The following ATE1 variants were observed in gnomAD, a reference collection of about 807,000 sequenced individuals.
ATE1 encodes the protein arginyl-tRNA--protein transferase 1.
In ATE1, 36 loss-of-function variants were observed where a neutral mutation model predicts 70.5. That is an observed-to-expected ratio of 0.51 (90% confidence interval 0.39 to 0.67). The LOEUF (loss-of-function observed/expected upper bound fraction) is 0.67. ATE1 is among the 30% of genes least tolerant of loss of function. The pLI is 0.00. For synonymous variants in ATE1, 232 were observed against 219.3 expected (o/e 1.06, Z -0.51); for missense variants, 593 against 629.5 (o/e 0.94, Z 0.62).
chr10:121,871,225 C>T (rs922308130), intron 7 of ATE1, among the ~76,000 whole-genome samples: 3 of 152,064 alleles, frequency 2.0e-5, no homozygotes, highest in African/African-American at 7.2e-5. Context: ...GAGGCCGAGG[C>T]GGGTGGATCA....
At chr10:121,760,781 A>G (rs772135154) in intron 11 of ATE1, among the ~76,000 whole-genome samples, 10 of 152,240 alleles carry the variant, frequency 6.6e-5, no homozygotes, top group Admixed American at 1.3e-4. Context: ...ACTGCTATCA[A>G]ACAGCACTGC....
At chr10:121,918,942 A>G (rs909531100) in intron 3 of ATE1, among the ~76,000 whole-genome samples, 2 of 152,092 alleles carry the variant, frequency 1.3e-5, no homozygotes, top group African/African-American at 4.8e-5. Flanking sequence ...AAAACGCACC[A>G]ATCAGTGCTC....
rs1471830348 is a variant in ATE1 at position 121,790,104 on chromosome 10, C to CCA, written c.1378+63_1378+64dup. The CCA allele has an allele frequency of 1.9e-6, 3 of 1,601,014 alleles. No homozygotes were observed. The Admixed American group carries it at 5.1e-5, about 27-fold the overall frequency. On this transcript the variant is annotated intron_variant, in intron 11 of 11. Transcript: ENST00000224652. Reference sequence around the variant, plus strand: ...ACCTGGACCCTGTTAAGAGCCACAGCCACACACACATGGATCATAAAAACA... The same window carrying CCA: ...ACCTGGACCCTGTTAAGAGCCACAGCCACACACACACATGGATCATAAAAACA...
At chr10:121,755,394 A>T (rs1944756547) in intron 11 of ATE1, among the ~76,000 whole-genome samples, 1 of 152,236 alleles carries the variant, frequency 6.6e-6, no homozygotes, top group Non-Finnish European at 1.5e-5. Context: ...ACAGAGTAAA[A>T]CAGAAAAAGT....
intron 7 of ATE1, among the ~76,000 whole-genome samples, chr10:121,889,034 A>G (rs1170142585): frequency 6.6e-6 from 1 of 152,082 alleles, no homozygotes; most frequent in African/African-American, 2.4e-5. Context: ...TATTTTTTTG[A>G]GACAGAGTCT....
intron 11 of ATE1, among the ~76,000 whole-genome samples, chr10:121,764,097 A>G (rs182999587): frequency 2.8e-4 from 42 of 152,250 alleles, no homozygotes; most frequent in African/African-American, 9.1e-4. Flanking sequence ...ATCAACTGTA[A>G]TAAATGTAGC....
chr10:121,765,314 A>G (rs1014992481), intron 11 of ATE1, among the ~76,000 whole-genome samples: 30 of 60,944 alleles, frequency 4.9e-4, no homozygotes, highest in African/African-American at 1.4e-3. Context: ...GAAGAAAAAA[A>G]GCTCTGCCAG....
At chr10:121,920,531 A>G (rs1198770416) in intron 3 of ATE1, among the ~76,000 whole-genome samples, 1 of 152,032 alleles carries the variant, frequency 6.6e-6, no homozygotes, top group Non-Finnish European at 1.5e-5. Flanking sequence ...CAAAAAAAAA[A>G]AGAAAAAAGA....
chr10:121,927,719 C>T, intron 1 of ATE1, 125 bp downstream of exon 1: 1 of 1,352,268 alleles, frequency 7.4e-7, no homozygotes, highest in Non-Finnish European at 9.5e-7. Flanking sequence ...CCGAGAGTGC[C>T]CCCTCCGTCT....
At chr10:121,762,276 G>A (rs1344709302) in intron 11 of ATE1, among the ~76,000 whole-genome samples, 2 of 152,044 alleles carry the variant, frequency 1.3e-5, no homozygotes, top group African/African-American at 4.8e-5. Flanking sequence ...GCTACGTAGT[G>A]TCCTTTTCTA....
chr10:121,831,959 T>C (rs371268135), intron 10 of ATE1, among the ~76,000 whole-genome samples: 50 of 152,338 alleles, frequency 3.3e-4, no homozygotes, highest in Middle Eastern at 6.8e-3. Flanking sequence ...TAAATTATTC[T>C]GAATTGCCCA....
intron 5 of ATE1, among the ~76,000 whole-genome samples, chr10:121,904,300 C>G (rs1021992553): frequency 2.0e-5 from 3 of 151,008 alleles, no homozygotes; most frequent in Admixed American, 2.0e-4. Flanking sequence ...CAACAATGAA[C>G]ATTATGCTAG....
At chr10:121,864,733 C>A (rs1028418579) in intron 8 of ATE1, among the ~76,000 whole-genome samples, 7 of 151,906 alleles carry the variant, frequency 4.6e-5, no homozygotes, top group African/African-American at 1.7e-4. Context: ...ATTAACGATA[C>A]CTCTTTGTAT....
rs565382974 is a variant in ATE1, at chr10:121,792,214, A to C, written c.1258-1925T>G. Among the ~76,000 whole-genome samples the C allele has an allele frequency of 6.6e-5, 10 of 152,336 alleles. 1 individual carries two copies. The South Asian group carries it at 2.1e-3, about 32-fold the overall frequency. On this transcript the variant is annotated intron_variant, in intron 10 of 11. Transcript: ENST00000224652. ...AAGGGAACGGCATAAACAAAGACACAGAGTTGGGCCAAGTAGAAAACTCCA... is the reference window on the plus strand; with the variant it reads ...AAGGGAACGGCATAAACAAAGACACCGAGTTGGGCCAAGTAGAAAACTCCA...
At chr10:121,834,296 G>C (rs1948355181) in intron 10 of ATE1, among the ~76,000 whole-genome samples, 1 of 152,148 alleles carries the variant, frequency 6.6e-6, no homozygotes, top group South Asian at 2.1e-4. Context: ...TAGAATGGAA[G>C]TTCCAAGAAA....
At position 121,847,756 on chromosome 10, in the gene ATE1, C is replaced by CAA. The variant is rs34868723; in HGVS notation, c.976-6495_976-6494dup. Among the ~76,000 whole-genome samples, 163 of 60,750 alleles carry CAA rather than the reference C, an allele frequency of 2.7e-3. 1 individual carries two copies. Among genetic ancestry groups the CAA allele is most frequent in the South Asian group, 5.6e-3 (8 of 1,426 alleles). The allele number at this position is 60,750 out of a possible 152,430, so 39.9% of individuals were successfully genotyped here. Reference sequence around the variant, plus strand: ...CTGGGGACAGAGCGAGACTCTGTCTCAAAAAAAAAAAAAAAAAAAAAAAAT... The same window carrying CAA: ...CTGGGGACAGAGCGAGACTCTGTCTCAAAAAAAAAAAAAAAAAAAAAAAAAAT... On this transcript the variant is annotated intron_variant, in intron 8 of 11. Transcript: ENST00000224652.
At chr10:121,912,983 G>A (rs1004188649) in intron 4 of ATE1, among the ~76,000 whole-genome samples, 12 of 151,966 alleles carry the variant, frequency 7.9e-5, no homozygotes, top group Admixed American at 3.9e-4. Flanking sequence ...AGGTTCAAGC[G>A]ATTCTCCTGC....
intron 11 of ATE1, among the ~76,000 whole-genome samples, chr10:121,787,324 G>A (rs902074717): frequency 6.6e-5 from 10 of 152,228 alleles, no homozygotes; most frequent in Admixed American, 2.0e-4. Context: ...TTTGGGTCAT[G>A]TAAAAGTAAA....
Position 121,742,606 on chromosome 10 carries a change from T to C in ATE1, c.*1074A>G, listed in dbSNP as rs1944184473. ...CCACCTTGACAGGTGGGCAAAGGAC[T>C]CAGCAAAAGAAAGTGAGGGAAGGAG... is the stretch of plus-strand genomic sequence containing the variant. On this transcript the variant is annotated 3_prime_UTR_variant, in exon 12 of 12. Transcript: ENST00000224652. The C allele has an allele frequency of 6.6e-6, 1 of 152,306 alleles. No individual in the cohort carries two copies. Among genetic ancestry groups the C allele is most frequent in the African/African-American group, 2.4e-5 (1 of 41,450 alleles). 9.4% of individuals were successfully genotyped at this position (152,306 alleles called of 1,614,324 possible).
Sources: allele counts gnomAD v4.1 joint callset (sites outside exome capture counted in the v4.1 genomes callset), GRCh38; gene constraint gnomAD v4.1.1; transcripts MANE v1.5; gene names NCBI Gene and HGNC (gene_info 2026-07-23, HGNC 2026-07-21).